The following EDA variants were observed in gnomAD, a reference collection of about 807,000 sequenced individuals.
EDA encodes the protein ectodysplasin-A.
In EDA, 2 loss-of-function variants were observed where a neutral mutation model predicts 23.6. That is an observed-to-expected ratio of 0.08 (90% confidence interval 0.03 to 0.27). The LOEUF is 0.27. Among genes scored for constraint, EDA ranks in the 10% least tolerant of loss-of-function variants. EDA has a pLI of 1.00. For missense variants in EDA, 229 were observed against 324.2 expected, an observed-to-expected ratio of 0.71 and a Z score of 2.26; for synonymous variants, 131 against 132.0, an observed-to-expected ratio of 0.99 and a Z score of 0.05.
intron 1 of EDA, among the ~76,000 whole-genome samples, chrX:69,682,666 C>T (rs1339553649): frequency 3.6e-5 from 4 of 111,912 alleles, no homozygotes; most frequent in Middle Eastern, 9.3e-3. Flanking sequence ...GGCAATGCCT[C>T]GCCCTGCTTC....
intron 1 of EDA, among the ~76,000 whole-genome samples, chrX:69,661,543 C>T (rs1195252471): frequency 9.0e-6 from 1 of 110,969 alleles, no homozygotes; most frequent in Non-Finnish European, 1.9e-5. Flanking sequence ...AGGAAGGGAT[C>T]CAGTTTTAGC....
intron 1 of EDA, among the ~76,000 whole-genome samples, chrX:69,638,118 T>TG (rs1275445826): frequency 2.7e-5 from 3 of 111,964 alleles, no homozygotes; most frequent in Non-Finnish European, 5.6e-5. Flanking sequence ...TGCTACTCCT[T>TG]GCAAAGATCA....
At chrX:69,623,986 G>A (rs1234804965) in intron 1 of EDA, among the ~76,000 whole-genome samples, 1 of 109,723 alleles carries the variant, frequency 9.1e-6, no homozygotes, top group Non-Finnish European at 1.9e-5. Flanking sequence ...CCATTTTGGG[G>A]GTTTAAAAAA....
At chrX:69,847,576 T>G (rs1421966532) in intron 1 of EDA, among the ~76,000 whole-genome samples, 1 of 111,735 alleles carries the variant, frequency 8.9e-6, no homozygotes, top group East Asian at 2.8e-4. Context: ...CTGAGACTGG[T>G]TTCTGTCACT....
chrX:70,038,153 G>A lies in EDA; in HGVS notation c.*2544G>A, dbSNP rs1047329414. ...TGGTTCTGAGGCCAGAAAGGTGTGA[G>A]GAGAGAGGAGGAAAAGTCTTCCTAA... On this transcript the variant is annotated 3_prime_UTR_variant, in exon 8 of 8. Transcript: ENST00000374552. The A allele has an allele frequency of 3.0e-4, 33 of 110,974 alleles. No homozygotes were observed. Among genetic ancestry groups the A allele is most frequent in the Non-Finnish European group, 1.1e-4 (6 of 52,998 alleles). 9.1% of individuals were successfully genotyped at this position (110,974 alleles called of 1,213,427 possible).
rs754331966 is a variant in EDA at position 69,717,256 on chromosome X, A to G, written c.396+100552A>G. ...GGTATGTCCCTTCAATACCTAGGTTATTGAGAGTTTTTAACATGAAGGGAT... is the reference window on the plus strand; with the variant it reads ...GGTATGTCCCTTCAATACCTAGGTTGTTGAGAGTTTTTAACATGAAGGGAT... On this transcript the variant is annotated intron_variant, in intron 1 of 7. Coordinates refer to ENST00000374552, the MANE Select transcript of EDA (RefSeq NM_001399.5). Among the ~76,000 whole-genome samples the G allele has an allele frequency of 2.7e-5, 3 of 111,014 alleles. 1 individual carries two copies. The South Asian group carries it at 1.1e-3, about 42-fold the overall frequency.
intron 1 of EDA, among the ~76,000 whole-genome samples, chrX:69,708,707 A>G (rs2011840698): frequency 9.0e-6 from 1 of 111,329 alleles, no homozygotes; most frequent in Non-Finnish European, 1.9e-5. Context: ...GGAAGAAAAC[A>G]AAGTTCCTGT....
chrX:69,867,557 T>C (rs1489768941), intron 1 of EDA, among the ~76,000 whole-genome samples: 2 of 112,310 alleles, frequency 1.8e-5, no homozygotes, highest in Non-Finnish European at 3.8e-5. Context: ...AGTGCACAAC[T>C]AGCATTGCTC....
chrX:69,888,718 T>TG (rs1455328683), intron 1 of EDA, among the ~76,000 whole-genome samples: 1 of 106,275 alleles, frequency 9.4e-6, no homozygotes, highest in East Asian at 3.0e-4. Context: ...AATTATATAA[T>TG]GAAAAAAGGG....
rs184608708 is a variant in EDA, at chrX:70,038,412, G to C, written c.*2803G>C. The C allele has an allele frequency of 2.7e-5, 3 of 110,958 alleles. No homozygotes were observed. In the Admixed American group the frequency reaches 2.9e-4, roughly 11 times the overall value. 9.1% of individuals were successfully genotyped at this position (110,958 alleles called of 1,213,427 possible). A position where few individuals can be genotyped will look rare whatever the true frequency, so the allele number is the denominator to read the frequency against. ...GAGAGAATGTGGAAATAGATGTGCAGTTTGGAATTATGTTGGTGTGAATTT... is the reference window on the plus strand; with the variant it reads ...GAGAGAATGTGGAAATAGATGTGCACTTTGGAATTATGTTGGTGTGAATTT... On this transcript the variant is annotated 3_prime_UTR_variant, in exon 8 of 8. Transcript: ENST00000374552.
At chrX:69,755,361 A>G (rs772175427) in intron 1 of EDA, among the ~76,000 whole-genome samples, 4 of 111,722 alleles carry the variant, frequency 3.6e-5, no homozygotes, top group Non-Finnish European at 7.5e-5. Context: ...TATCACCAGC[A>G]GAGGCTGCAG....
At chrX:69,708,271 A>C (rs1048443811) in intron 1 of EDA, among the ~76,000 whole-genome samples, 2 of 112,102 alleles carry the variant, frequency 1.8e-5, no homozygotes, top group East Asian at 5.6e-4. Flanking sequence ...AGACAGCTTG[A>C]TTGGTTACAG....
intron 1 of EDA, among the ~76,000 whole-genome samples, chrX:69,864,918 G>A (rs1248287228): frequency 9.0e-6 from 1 of 111,350 alleles, no homozygotes; most frequent in Non-Finnish European, 1.9e-5. Flanking sequence ...TTGAACCTGG[G>A]AGGTGGAGGT....
intron 1 of EDA, among the ~76,000 whole-genome samples, chrX:69,700,330 C>T (rs1471983438): frequency 9.0e-6 from 1 of 111,178 alleles, no homozygotes; most frequent in Non-Finnish European, 1.9e-5. Context: ...GGTCTTCCCA[C>T]ATAAAGGCAA....
intron 2 of EDA, among the ~76,000 whole-genome samples, chrX:69,960,728 A>G (rs6625540): frequency 0.42 from 46,330 of 109,278 alleles, 7,325 homozygotes; most frequent in East Asian, 0.69. Flanking sequence ...TAAAAATTTA[A>G]CTATCTAAGC....
chrX:69,714,059 C>T (rs1445808288), intron 1 of EDA, among the ~76,000 whole-genome samples: 1 of 110,678 alleles, frequency 9.0e-6, no homozygotes, highest in African/African-American at 3.3e-5. Context: ...TCTCTTTCTC[C>T]ACATTCTTGC....
At chrX:69,854,690 C>T (rs2147583088) in intron 1 of EDA, among the ~76,000 whole-genome samples, 1 of 112,438 alleles carries the variant, frequency 8.9e-6, no homozygotes, top group South Asian at 3.7e-4. Flanking sequence ...ACCACATTTT[C>T]TTTATCCAGT....
intron 1 of EDA, among the ~76,000 whole-genome samples, chrX:69,736,094 G>A (rs1164998801): frequency 9.2e-6 from 1 of 108,971 alleles, no homozygotes; most frequent in African/African-American, 3.3e-5. Context: ...ATCACCTGAG[G>A]TCGGGAGTTC....
chrX:69,803,118 C>T (rs771159548), intron 1 of EDA, among the ~76,000 whole-genome samples: 2 of 111,019 alleles, frequency 1.8e-5, no homozygotes, highest in South Asian at 7.5e-4. Flanking sequence ...ACAGCTGATA[C>T]AGATACTAAG....
Sources: allele counts gnomAD v4.1 joint callset (sites outside exome capture counted in the v4.1 genomes callset), GRCh38; gene constraint gnomAD v4.1.1; transcripts MANE v1.5; gene names NCBI Gene and HGNC (gene_info 2026-07-23, HGNC 2026-07-21).